The following DPYSL2 variants were observed in gnomAD, a reference collection of about 807,000 sequenced individuals.
DPYSL2 encodes dihydropyrimidinase-related protein 2.
In DPYSL2, 13 loss-of-function variants were observed where a neutral mutation model predicts 69.9. The ratio of observed to expected loss-of-function variants is 0.19; its 90% CI spans 0.12 to 0.30. DPYSL2 has a LOEUF of 0.30. Among genes scored for constraint, DPYSL2 ranks in the 10% least tolerant of loss-of-function variants. The pLI, the probability that DPYSL2 is intolerant of heterozygous loss-of-function variation, is 1.00. For missense variants in DPYSL2, 587 were observed against 918.9 expected, an observed-to-expected ratio of 0.64 and a Z score of 4.67; for synonymous variants, 326 against 359.1, an observed-to-expected ratio of 0.91 and a Z score of 1.04.
rs771070678 is a variant in DPYSL2, at chr8:26,627,930, G to A, written c.995G>A (p.Arg332Gln). ...GGCCCCGAGGGACATGTGCTGAGCC[G>A]ACCTGAGGAGGTGAATGTTCACCAA... Reference protein sequence around the residue: ...ITGPEGHVLSRPEEVEAEAVN... With the variant: ...ITGPEGHVLSQPEEVEAEAVN... Residue 332 changes from arginine (R) to glutamine (Q), a missense_variant, in exon 7 of 14, where the codon CGA (arginine) becomes CAA (glutamine). Around this residue, in one of 3 missense-constraint regions of DPYSL2, gnomAD observed 452 missense variants for 754.3 expected, o/e 0.60. Transcript: ENST00000521913. This position sits in a 1 kb window ranked among gnomAD's most constrained non-coding sequence, Gnocchi z 6.9. The A allele has an allele frequency of 3.3e-5, 53 of 1,613,638 alleles. No homozygotes were observed. Among genetic ancestry groups the A allele is most frequent in the Non-Finnish European group, 4.2e-5 (49 of 1,179,986 alleles).
At chr8:26,634,942 T>C (rs761564575) in intron 8 of DPYSL2, 42 bp downstream of exon 8, 14 of 1,609,594 alleles carry the variant, frequency 8.7e-6, no homozygotes, top group African/African-American at 1.3e-5. Context: ...GGTGGGGAGG[T>C]TTGGAGGGGA....
Position 26,514,619 on chromosome 8 carries a change from C to A in DPYSL2, c.294C>A (p.Gly98=). The A allele has an allele frequency of 1.3e-6, 2 of 1,488,524 alleles. No homozygotes were observed. The highest frequency in any genetic ancestry group is 2.3e-5 in the Admixed American group (1 of 44,212). 92.2% of individuals were successfully genotyped at this position (1,488,524 alleles called of 1,614,324 possible). ...RAGGEPSVES[G]RKVEIRRASG... is the part of the protein sequence containing the mutation. ...GCGGAGAGCCATCTGTTGAATCGGG[C>A]CGGAAGGTGGAGATCCGGAGGGCCT... The change falls in exon 1 of 14, where the codon GGC becomes GGA. Residue 98 remains glycine (G), a synonymous_variant. Transcript: ENST00000521913. This position sits in a 1 kb window ranked among gnomAD's most constrained non-coding sequence, Gnocchi z 8.4.
chr8:26,592,485 T>G (rs866708198), intron 3 of DPYSL2, among the ~76,000 whole-genome samples: 18 of 149,904 alleles, frequency 1.2e-4, no homozygotes, highest in Middle Eastern at 3.5e-3. Flanking sequence ...TGTTTTTTTT[T>G]TTTTATTAAG....
At chr8:26,579,101 G>C (rs1303121234) in intron 1 of DPYSL2, among the ~76,000 whole-genome samples, 2 of 152,244 alleles carry the variant, frequency 1.3e-5, no homozygotes, top group Non-Finnish European at 2.9e-5. Flanking sequence ...GGGTGGGCGC[G>C]GGGACCGCGG....
intron 3 of DPYSL2, among the ~76,000 whole-genome samples, chr8:26,616,404 C>G (rs539983619): frequency 6.6e-6 from 1 of 152,282 alleles, no homozygotes; most frequent in African/African-American, 2.4e-5. Flanking sequence ...GATGCCAGCT[C>G]GGGAAAGCCA....
At position 26,631,867 on chromosome 8, in the gene DPYSL2, G is replaced by A. The variant is rs184664767; in HGVS notation, c.1006-2913G>A. ...CGGCTGACGTCTCCTCTCATGGTGA[G>A]TTTGTCAAGAGGGATCTGTTGTGTG... On this transcript the variant is annotated intron_variant, in intron 7 of 13. Transcript: ENST00000521913. 2.4e-3 allele frequency among the ~76,000 whole-genome samples: 359 copies of A among 152,330 alleles called. 1 individual carries two copies. The highest frequency in any genetic ancestry group is 7.7e-3 in the African/African-American group (319 of 41,558).
At chr8:26,555,257 C>A (rs1044154014) in intron 1 of DPYSL2, among the ~76,000 whole-genome samples, 1 of 150,728 alleles carries the variant, frequency 6.6e-6, no homozygotes, top group Non-Finnish European at 1.5e-5. Flanking sequence ...CTAGGTAATA[C>A]AAGAAGCAAG....
rs1359471218 is a variant in DPYSL2, at chr8:26,655,656, C to T, written c.1984C>T (p.Arg662Cys). The T allele has an allele frequency of 6.2e-7, 1 of 1,609,966 alleles. No individual in the cohort carries two copies. Among genetic ancestry groups the T allele is most frequent in the Non-Finnish European group, 8.5e-7 (1 of 1,179,420 alleles). Reference sequence around the variant, plus strand: ...CAACATTCCCCGCCGCACCACCCAGCGTATCGTGGCGCCCCCCGGTGGCCG... The same window carrying T: ...CAACATTCCCCGCCGCACCACCCAGTGTATCGTGGCGCCCCCCGGTGGCCG... ...DDNIPRRTTQ[R>C]IVAPPGGRAN... Residue 662 changes from arginine (R) to cysteine (C), a missense_variant, in exon 14 of 14, where the codon CGT (arginine) becomes TGT (cysteine). By Grantham distance (180) the Arg-to-Cys change is radical. Around this residue, in one of 3 missense-constraint regions of DPYSL2, gnomAD observed 452 missense variants for 754.3 expected, o/e 0.60. Coordinates refer to ENST00000521913, the MANE Select transcript of DPYSL2 (RefSeq NM_001197293.3).
chr8:26,627,371 C>A lies in DPYSL2; in HGVS notation c.936+76C>A. Reference sequence around the variant, plus strand: ...CAGGCTCAAGAAAGGGAAGCTGCATCTGTAGCTTAACACCAAGGTGGAAAA... The same window carrying A: ...CAGGCTCAAGAAAGGGAAGCTGCATATGTAGCTTAACACCAAGGTGGAAAA... On this transcript the variant is annotated intron_variant, in intron 6 of 13. Coordinates refer to ENST00000521913, the MANE Select transcript of DPYSL2 (RefSeq NM_001197293.3). This position sits in a 1 kb window ranked among gnomAD's most constrained non-coding sequence, Gnocchi z 6.9. 6 of 1,458,668 alleles carry A rather than the reference C, an allele frequency of 4.1e-6. No homozygotes were observed. Among genetic ancestry groups the A allele is most frequent in the Non-Finnish European group, 5.8e-6 (6 of 1,042,230 alleles). The allele number at this position is 1,458,668 out of a possible 1,614,324, so 90.4% of individuals were successfully genotyped here. A position where few individuals can be genotyped will look rare whatever the true frequency, so the allele number is the denominator to read the frequency against.
At chr8:26,606,527 G>A (rs1802111135) in intron 3 of DPYSL2, among the ~76,000 whole-genome samples, 1 of 152,040 alleles carries the variant, frequency 6.6e-6, no homozygotes, top group African/African-American at 2.4e-5. Context: ...TTTAAAATAT[G>A]AAATTTTAAC....
chr8:26,591,525 G>C lies in DPYSL2; in HGVS notation c.628+7542G>C, dbSNP rs927996352. On this transcript the variant is annotated intron_variant, in intron 3 of 13. Transcript: ENST00000521913. The surrounding 1 kb of genome is among the most constrained non-coding windows in gnomAD (Gnocchi z 5.8). Reference sequence around the variant, plus strand: ...CCCCTGCATGCCTGGAGCTGGCTGTGGGGGCAGCCAGAGAAGCTGCCCAAT... The same window carrying C: ...CCCCTGCATGCCTGGAGCTGGCTGTCGGGGCAGCCAGAGAAGCTGCCCAAT... 6.6e-6 allele frequency among the ~76,000 whole-genome samples: 1 copy of C among 152,206 alleles called. No homozygotes were observed. Among genetic ancestry groups the C allele is most frequent in the Non-Finnish European group, 1.5e-5 (1 of 68,038 alleles).
At chr8:26,576,190 AG>A (rs1801340836) in intron 1 of DPYSL2, among the ~76,000 whole-genome samples, 1 of 152,138 alleles carries the variant, frequency 6.6e-6, no homozygotes, top group Non-Finnish European at 1.5e-5. Context: ...GAGATATAGG[AG>A]TGAAAAGGAG....
rs990668552 is a variant in DPYSL2 at position 26,562,756 on chromosome 8, G to A, written c.355-19213G>A. ...CATGGATCCTGTGGATCAGGGATTT[G>A]AACACAGTAGAGCAGGGATATGTTG... On this transcript the variant is annotated intron_variant, in intron 1 of 13. Coordinates refer to ENST00000521913, the MANE Select transcript of DPYSL2 (RefSeq NM_001197293.3). This position sits in a 1 kb window ranked among gnomAD's most constrained non-coding sequence, Gnocchi z 4.9. Among the ~76,000 whole-genome samples, 18 of 152,294 alleles carry A rather than the reference G, an allele frequency of 1.2e-4. No individual in the cohort carries two copies. Among genetic ancestry groups the A allele is most frequent in the Admixed American group, 3.9e-4 (6 of 15,290 alleles).
In DPYSL2 at chr8:26,651,405, G is replaced by C. The variant is rs1016396097; in HGVS notation, c.1597-852G>C. 2.0e-5 allele frequency among the ~76,000 whole-genome samples: 3 copies of C among 152,146 alleles called. 1 individual carries two copies. Among genetic ancestry groups the C allele is most frequent in the African/African-American group, 7.2e-5 (3 of 41,418 alleles). ...GGTCTGAACTTTCCCAGAAGCCCAG[G>C]GTGCTTTTTATGGTTGGAGCAACCT... On this transcript the variant is annotated intron_variant, in intron 11 of 13. Coordinates refer to ENST00000521913, the MANE Select transcript of DPYSL2 (RefSeq NM_001197293.3).
Position 26,586,870 on chromosome 8 carries a change from A to G in DPYSL2, c.628+2887A>G, listed in dbSNP as rs1028942055. On this transcript the variant is annotated intron_variant, in intron 3 of 13. Transcript: ENST00000521913. This position sits in a 1 kb window ranked among gnomAD's most constrained non-coding sequence, Gnocchi z 4.7. ...ATCTGGCTATAGAGTGGGGCATCCA[A>G]TGAGCGAACCTCAAGGAATAAAAGT... Among the ~76,000 whole-genome samples, 6 of 152,222 alleles carry G rather than the reference A, an allele frequency of 3.9e-5. No individual in the cohort carries two copies. The highest frequency in any genetic ancestry group is 6.5e-5 in the Admixed American group (1 of 15,288).
At chr8:26,556,881 G>C (rs1221783629) in intron 1 of DPYSL2, among the ~76,000 whole-genome samples, 1 of 152,148 alleles carries the variant, frequency 6.6e-6, no homozygotes, top group Non-Finnish European at 1.5e-5. Flanking sequence ...TAGATAAACA[G>C]ATCAAGGGAA....
chr8:26,638,139 T>C (rs1339601682), intron 8 of DPYSL2: 1 of 152,216 alleles, frequency 6.6e-6, no homozygotes, highest in African/African-American at 2.4e-5. Context: ...TGTGATACTT[T>C]AGGCCTGCGT....
chr8:26,635,783 T>C (rs1802900739), intron 8 of DPYSL2, among the ~76,000 whole-genome samples: 1 of 152,182 alleles, frequency 6.6e-6, no homozygotes, highest in Admixed American at 6.5e-5. Flanking sequence ...TCTTTCCTGA[T>C]TTCTGTTTCA....
intron 11 of DPYSL2, among the ~76,000 whole-genome samples, chr8:26,651,050 A>G (rs1221554387): frequency 6.6e-6 from 1 of 152,210 alleles, no homozygotes; most frequent in Non-Finnish European, 1.5e-5. Context: ...TGAGTGTCTT[A>G]GAATTGATGA....
Sources: allele counts gnomAD v4.1 joint callset (sites outside exome capture counted in the v4.1 genomes callset), GRCh38; gene constraint gnomAD v4.1.1; regional missense constraint gnomAD v4.1.1; non-coding constraint Gnocchi (gnomAD v3.1); transcripts MANE v1.5; gene names NCBI Gene and HGNC (gene_info 2026-07-23, HGNC 2026-07-21).